Variants in CDC42SE2 observed in about 807,000 individuals in gnomAD.
The protein encoded by CDC42SE2 is CDC42 small effector 2, also known as CDC42 small effector protein 2.
Under a neutral mutation model 11.5 loss-of-function variants are expected in CDC42SE2, and 3 were observed. The ratio of observed to expected loss-of-function variants is 0.26; its 90% CI spans 0.12 to 0.67. The LOEUF is 0.67. CDC42SE2 is among the 30% of genes least tolerant of loss of function. CDC42SE2 has a pLI of 0.80. For missense variants in CDC42SE2, 82 were observed against 106.8 expected, an observed-to-expected ratio of 0.77 and a Z score of 1.02; for synonymous variants, 33 against 34.8, an observed-to-expected ratio of 0.95 and a Z score of 0.18.
chr5:131,273,390 A>G (rs532580675), intron 1 of CDC42SE2, among the ~76,000 whole-genome samples: 2 of 150,162 alleles, frequency 1.3e-5, no homozygotes, highest in East Asian at 3.9e-4. Context: ...TCTTGACTTC[A>G]AGTGATCTGC....
intron 2 of CDC42SE2, among the ~76,000 whole-genome samples, chr5:131,323,417 TCA>T (rs1463734102): frequency 6.6e-6 from 1 of 151,982 alleles, no homozygotes. Flanking sequence ...GTTAATGATT[TCA>T]GTTTTATTAC....
intron 3 of CDC42SE2, among the ~76,000 whole-genome samples, chr5:131,361,434 T>C (rs1749704894): frequency 6.6e-6 from 1 of 152,308 alleles, no homozygotes; most frequent in South Asian, 2.1e-4. Flanking sequence ...GCTTCTTCAG[T>C]GCCCTGCTGC....
chr5:131,319,005 G>T (rs144327530), intron 2 of CDC42SE2, among the ~76,000 whole-genome samples: 1 of 152,156 alleles, frequency 6.6e-6, no homozygotes, highest in South Asian at 2.1e-4. Flanking sequence ...GGGTTCAAGC[G>T]ATTCTCCTGC....
chr5:131,384,868 G>T (rs1487672127), intron 3 of CDC42SE2, among the ~76,000 whole-genome samples: 3 of 137,206 alleles, frequency 2.2e-5, no homozygotes, highest in Non-Finnish European at 4.5e-5. Context: ...GATTGCTTGA[G>T]CCCAGTTAAA....
In CDC42SE2 at chr5:131,393,289, T is replaced by C. The variant is rs1219780554; in HGVS notation, c.*2198T>C. On this transcript the variant is annotated 3_prime_UTR_variant, in exon 5 of 5. Coordinates refer to ENST00000505065, the MANE Select transcript of CDC42SE2 (RefSeq NM_001375635.1). ...GGCAACTGAACAAACATTAGGTTTA[T>C]GTAGGTAAAATGTGAAAGCATTTCT... The C allele has an allele frequency of 1.3e-5, 2 of 152,504 alleles. No individual in the cohort carries two copies. The allele number at this position is 152,504 out of a possible 1,614,324, so 9.4% of individuals were successfully genotyped here. A position where few individuals can be genotyped will look rare whatever the true frequency, so the allele number is the denominator to read the frequency against.
the CDC42SE2 span, among the ~76,000 whole-genome samples, chr5:131,225,070 G>T: frequency 6.6e-6 from 1 of 152,156 alleles, no homozygotes; most frequent in Non-Finnish European, 1.5e-5. Context: ...CTTAGGTGGA[G>T]CCCTGAGCCA....
At chr5:131,375,672 G>T (rs1287124068) in intron 3 of CDC42SE2, among the ~76,000 whole-genome samples, 1 of 152,116 alleles carries the variant, frequency 6.6e-6, no homozygotes, top group Non-Finnish European at 1.5e-5. Flanking sequence ...ATGTATAGAA[G>T]AAGTTTATTA....
chr5:131,390,253 C>A lies in CDC42SE2; in HGVS notation c.157-740C>A, dbSNP rs143733208. ...TATTAACATGGTACATTTTTTGACA[C>A]AGACTTTTAAGATTTATCTTTGGTT... On this transcript the variant is annotated intron_variant, in intron 4 of 4. Coordinates refer to ENST00000505065, the MANE Select transcript of CDC42SE2 (RefSeq NM_001375635.1). Among the ~76,000 whole-genome samples, 17 of 152,252 alleles carry A rather than the reference C, an allele frequency of 1.1e-4. 1 individual carries two copies. The highest frequency in any genetic ancestry group is 1.1e-3 in the Admixed American group (17 of 15,288).
rs144504960 is a variant in CDC42SE2, at chr5:131,277,994, T to TC, written c.-455+13834dup. 4.5e-4 allele frequency among the ~76,000 whole-genome samples: 68 copies of TC among 152,160 alleles called. No homozygotes were observed. The East Asian group carries it at 0.011, about 25-fold the overall frequency. On this transcript the variant is annotated intron_variant, in intron 1 of 4. Coordinates refer to ENST00000505065, the MANE Select transcript of CDC42SE2 (RefSeq NM_001375635.1). Reference sequence around the variant, plus strand: ...AAAGCCAGGTACCAATTTCATCTATTCCCCCCACTTTTTTTTTGAAATGGA... The same window carrying TC: ...AAAGCCAGGTACCAATTTCATCTATTCCCCCCCACTTTTTTTTTGAAATGGA...
intron 1 of CDC42SE2, among the ~76,000 whole-genome samples, chr5:131,298,312 G>A (rs992837355): frequency 5.3e-5 from 8 of 151,526 alleles, no homozygotes; most frequent in African/African-American, 1.5e-4. Flanking sequence ...TCTCCATGTT[G>A]GTGAGTCTGG....
the CDC42SE2 span, among the ~76,000 whole-genome samples, chr5:131,223,176 G>T: frequency 1.3e-5 from 2 of 152,064 alleles, no homozygotes; most frequent in East Asian, 3.9e-4. Context: ...GAACTCAAGT[G>T]ACTATAAAAC....
intron 3 of CDC42SE2, 93 bp from the exon 4 acceptor site, chr5:131,385,450 G>C (rs1750453233): frequency 8.5e-6 from 7 of 824,822 alleles, no homozygotes; most frequent in Non-Finnish European, 1.2e-5. Flanking sequence ...TTGTGTTCTT[G>C]GCAAATTTAT....
At chr5:131,387,455 CGG>C (rs1750521149) in intron 4 of CDC42SE2, among the ~76,000 whole-genome samples, 1 of 151,850 alleles carries the variant, frequency 6.6e-6, no homozygotes, top group African/African-American at 2.4e-5. Flanking sequence ...GGAGGCTGAG[CGG>C]GGAGGACTGC....
chr5:131,289,732 G>A (rs888990903), intron 1 of CDC42SE2, among the ~76,000 whole-genome samples: 1 of 151,648 alleles, frequency 6.6e-6, no homozygotes, highest in African/African-American at 2.4e-5. Flanking sequence ...TTCTTGTTTT[G>A]CTCACATGAG....
chr5:131,278,509 T>TTCA (rs10624598), intron 1 of CDC42SE2, among the ~76,000 whole-genome samples: 137,171 of 150,380 alleles, frequency 0.91, 62,876 homozygotes, highest in African/African-American at 0.98. Context: ...CAGCTCCATG[T>TTCA]GTGACATCAT....
At chr5:131,287,359 G>C (rs966243767) in intron 1 of CDC42SE2, among the ~76,000 whole-genome samples, 8 of 152,094 alleles carry the variant, frequency 5.3e-5, no homozygotes, top group Admixed American at 5.2e-4. Context: ...GATTTGTTCA[G>C]AAATTTTTCT....
At position 131,394,605 on chromosome 5, in the gene CDC42SE2, G is replaced by T. The variant is rs1226651287; in HGVS notation, c.*3514G>T. The T allele has an allele frequency of 6.6e-6, 1 of 152,258 alleles. No individual in the cohort carries two copies. The highest frequency in any genetic ancestry group is 1.5e-5 in the Non-Finnish European group (1 of 68,020). 9.4% of individuals were successfully genotyped at this position (152,258 alleles called of 1,614,324 possible). On this transcript the variant is annotated 3_prime_UTR_variant, in exon 5 of 5. Coordinates refer to ENST00000505065, the MANE Select transcript of CDC42SE2 (RefSeq NM_001375635.1). ...TTCATTCTTGAATAAAATGAGTTCT[G>T]TGTTGGCTTGTAGATACTAAAAAGA...
rs145265764 is a variant in CDC42SE2, at chr5:131,361,982, C to G, written c.54+2435C>G. Among the ~76,000 whole-genome samples the G allele has an allele frequency of 4.1e-3, 628 of 152,222 alleles. 4 individuals carry two copies. Among genetic ancestry groups the G allele is most frequent in the African/African-American group, 0.013 (544 of 41,530 alleles). On this transcript the variant is annotated intron_variant, in intron 3 of 4. Transcript: ENST00000505065. ...TGTCTATGTGTCTGCCTGCTAGGGT[C>G]TTGGGTTTTTATAGGCCCAGGATGG...
chr5:131,251,984 C>T (rs1465559204), intron 1 of CDC42SE2, among the ~76,000 whole-genome samples: 1 of 151,114 alleles, frequency 6.6e-6, no homozygotes, highest in Non-Finnish European at 1.5e-5. Flanking sequence ...CACTGCACTA[C>T]AGCCTGAGCA....
Sources: gnomAD v4.1 joint callset for allele counts (sites outside exome capture counted in the v4.1 genomes callset) on GRCh38, gnomAD v4.1.1 for gene constraint, MANE v1.5 for transcripts, NCBI Gene and HGNC (gene_info 2026-07-23, HGNC 2026-07-21) for gene names.